Variants in CSNK1G1 observed in about 807,000 individuals in gnomAD.
CSNK1G1 encodes casein kinase 1 gamma 1.
Under a neutral mutation model 59.6 loss-of-function variants are expected in CSNK1G1, and 22 were observed. The ratio of observed to expected loss-of-function variants is 0.37; its 90% CI spans 0.26 to 0.53. The LOEUF is 0.53. Among genes scored for constraint, CSNK1G1 ranks in the 20% least tolerant of loss-of-function variants. The pLI is 0.89. For synonymous variants in CSNK1G1, 179 were observed against 177.1 expected, an observed-to-expected ratio of 1.01 and a Z score of -0.08; for missense variants, 384 against 519.5, an observed-to-expected ratio of 0.74 and a Z score of 2.54.
chr15:64,250,985 CA>C (rs1892048283), intron 4 of CSNK1G1, among the ~76,000 whole-genome samples: 1 of 152,120 alleles, frequency 6.6e-6, no homozygotes, highest in African/African-American at 2.4e-5. Context: ...TAAAAACAAA[CA>C]TTTTTTACAG....
At chr15:64,346,907 A>C (rs867193721) in intron 1 of CSNK1G1, among the ~76,000 whole-genome samples, 1 of 152,228 alleles carries the variant, frequency 6.6e-6, no homozygotes, top group Admixed American at 6.5e-5. Flanking sequence ...TTTGCAAAAA[A>C]TATATCTGAT....
intron 11 of CSNK1G1, 87 bp downstream of exon 11, chr15:64,180,261 G>A (rs892570324): frequency 6.2e-6 from 6 of 973,624 alleles, no homozygotes; most frequent in Non-Finnish European, 9.8e-6. Context: ...GAGAAATCCA[G>A]TCTGAGACGA....
chr15:64,305,275 C>T (rs1045368939), intron 1 of CSNK1G1, among the ~76,000 whole-genome samples: 1 of 152,038 alleles, frequency 6.6e-6, no homozygotes. Context: ...ATTTAGCAAA[C>T]ATTAAGCAAA....
chr15:64,310,989 G>A (rs1895964038), intron 1 of CSNK1G1, among the ~76,000 whole-genome samples: 1 of 127,232 alleles, frequency 7.9e-6, no homozygotes, highest in Non-Finnish European at 1.6e-5. Context: ...TGGCAAGAGA[G>A]CTAGACTCCA....
rs1248778571 is a variant in CSNK1G1 at position 64,168,365 on chromosome 15, C to T, written c.*3566G>A. The T allele has an allele frequency of 6.6e-6, 1 of 152,556 alleles. No homozygotes were observed. The highest frequency in any genetic ancestry group is 1.5e-5 in the Non-Finnish European group (1 of 68,068). The allele number at this position is 152,556 out of a possible 1,614,324, so 9.5% of individuals were successfully genotyped here. On this transcript the variant is annotated 3_prime_UTR_variant, in exon 12 of 12. Transcript: ENST00000303052. ...AGTCTGGAGTGAGATCTCTGGAAAG[C>T]ACCAAGGTGCGTAGAGCAACTTGAC...
At chr15:64,172,907 T>C (rs1050567657) in intron 11 of CSNK1G1, among the ~76,000 whole-genome samples, 4 of 152,162 alleles carry the variant, frequency 2.6e-5, no homozygotes, top group African/African-American at 9.7e-5. Flanking sequence ...TCACTCTTGC[T>C]CAGGCAGTCC....
chr15:64,314,145 GC>G (rs1324331160), intron 1 of CSNK1G1, among the ~76,000 whole-genome samples: 1 of 152,118 alleles, frequency 6.6e-6, no homozygotes, highest in African/African-American at 2.4e-5. Flanking sequence ...TTGCTATGTA[GC>G]CCAGGCTGGA....
At chr15:64,321,541 G>A (rs1478243378) in intron 1 of CSNK1G1, among the ~76,000 whole-genome samples, 1 of 152,120 alleles carries the variant, frequency 6.6e-6, no homozygotes, top group Non-Finnish European at 1.5e-5. Flanking sequence ...TGGGATTACA[G>A]GCACCAGCCA....
intron 3 of CSNK1G1, among the ~76,000 whole-genome samples, chr15:64,258,521 A>G (rs1396584132): frequency 6.6e-6 from 1 of 152,214 alleles, no homozygotes; most frequent in East Asian, 1.9e-4. Context: ...GACACTTACT[A>G]TGAGGACAAA....
chr15:64,235,534 T>G (rs1258762279), intron 4 of CSNK1G1, among the ~76,000 whole-genome samples: 2 of 152,190 alleles, frequency 1.3e-5, no homozygotes, highest in Non-Finnish European at 2.9e-5. Flanking sequence ...AAAACCTCAT[T>G]GGGCTTTATA....
chr15:64,195,296 T>A (rs2082024565), intron 10 of CSNK1G1, among the ~76,000 whole-genome samples: 1 of 152,222 alleles, frequency 6.6e-6, no homozygotes, highest in Non-Finnish European at 1.5e-5. Context: ...CAAAATGGGA[T>A]CTGTTCCTCT....
At chr15:64,282,165 G>A (rs1432989338) in intron 2 of CSNK1G1, among the ~76,000 whole-genome samples, 1 of 152,074 alleles carries the variant, frequency 6.6e-6, no homozygotes, top group East Asian at 1.9e-4. Context: ...CTGGCTTCAA[G>A]TGATCCTCCT....
chr15:64,252,797 T>A (rs1892163891), intron 3 of CSNK1G1, among the ~76,000 whole-genome samples: 1 of 152,208 alleles, frequency 6.6e-6, no homozygotes, highest in Non-Finnish European at 1.5e-5. Context: ...ACAACCATAC[T>A]TTGCTCTATA....
chr15:64,286,685 A>G (rs190495301), intron 2 of CSNK1G1, among the ~76,000 whole-genome samples: 266 of 152,256 alleles, frequency 1.7e-3, no homozygotes, highest in African/African-American at 6.3e-3. Context: ...TGCTCAATAC[A>G]ATTTGTTAAA....
chr15:64,298,654 C>T (rs891479762), intron 2 of CSNK1G1, among the ~76,000 whole-genome samples: 10 of 152,092 alleles, frequency 6.6e-5, no homozygotes, highest in Non-Finnish European at 1.5e-4. Context: ...TGGTCTCTGG[C>T]TAGTATAGTG....
At position 64,354,441 on chromosome 15, in the gene CSNK1G1, A is replaced by G. The variant is rs142763410; in HGVS notation, c.-225+1547T>C. On this transcript the variant is annotated intron_variant, in intron 1 of 11. Transcript: ENST00000303052. The stretch of plus-strand genomic sequence containing the variant: ...TATTTCGTGTTAATCCATACTATAA[A>G]CACCAATATGGTGTAGCTGAGAAAA... Among the ~76,000 whole-genome samples the G allele has an allele frequency of 4.7e-3, 720 of 152,330 alleles. 6 individuals carry two copies. Among genetic ancestry groups the G allele is most frequent in the African/African-American group, 0.016 (670 of 41,568 alleles).
intron 10 of CSNK1G1, among the ~76,000 whole-genome samples, chr15:64,198,695 AG>A (rs1186283273): frequency 2.0e-5 from 3 of 151,700 alleles, no homozygotes; most frequent in African/African-American, 7.3e-5. Flanking sequence ...CAATTCTTAG[AG>A]TAATAAGAGA....
At position 64,176,210 on chromosome 15, in the gene CSNK1G1, C is replaced by T; in HGVS notation, c.1214+4138G>A. 1 of 398,750 alleles carries T rather than the reference C, an allele frequency of 2.5e-6. No individual in the cohort carries two copies. Among genetic ancestry groups the T allele is most frequent in the East Asian group, 3.6e-5 (1 of 28,084 alleles). 24.7% of individuals were successfully genotyped at this position (398,750 alleles called of 1,614,324 possible). A position where few individuals can be genotyped will look rare whatever the true frequency, so the allele number is the denominator to read the frequency against. On this transcript the variant is annotated intron_variant, in intron 11 of 11. Coordinates refer to ENST00000303052, the MANE Select transcript of CSNK1G1 (RefSeq NM_022048.5). The surrounding 1 kb of genome is among the most constrained non-coding windows in gnomAD (Gnocchi z 5.2). ...GGCATTTTGTTTGGCTTTGCCAGTC[C>T]CAGCCTAGTCTGGTCCACTCCCCTT...
Position 64,237,487 on chromosome 15 carries a change from C to T in CSNK1G1, c.292+14025G>A, listed in dbSNP as rs145026973. Among the ~76,000 whole-genome samples, 1,182 of 152,262 alleles carry T rather than the reference C, an allele frequency of 7.8e-3. 10 individuals carry two copies. The highest frequency in any genetic ancestry group is 0.028 in the African/African-American group (1,143 of 41,550). ...AGGTTTCTTCTAAGTTCCCTAAGCA[C>T]TCCTAGAGGACAACTAAGTTCAGGC... On this transcript the variant is annotated intron_variant, in intron 4 of 11. Coordinates refer to ENST00000303052, the MANE Select transcript of CSNK1G1 (RefSeq NM_022048.5).
Sources: allele counts gnomAD v4.1 joint callset (sites outside exome capture counted in the v4.1 genomes callset), GRCh38; gene constraint gnomAD v4.1.1; non-coding constraint Gnocchi (gnomAD v3.1); transcripts MANE v1.5; gene names NCBI Gene and HGNC (gene_info 2026-07-23, HGNC 2026-07-21).